The following RGMA variants were observed in gnomAD, a reference collection of about 807,000 sequenced individuals.
The protein encoded by RGMA is repulsive guidance molecule A.
In RGMA, 10 loss-of-function variants were observed where a neutral mutation model predicts 23.2. The observed-to-expected ratio is 0.43, with a 90% CI of 0.27 to 0.73. The LOEUF (loss-of-function observed/expected upper bound fraction) is 0.73. RGMA is among the 30% of genes least tolerant of loss of function. The pLI, the probability that RGMA is intolerant of heterozygous loss-of-function variation, is 0.20. For synonymous variants in RGMA, 308 were observed against 279.3 expected (o/e 1.10, Z -1.03); for missense variants, 547 against 630.5 (o/e 0.87, Z 1.42).
At chr15:93,072,800 C>A in intron 2 of RGMA, 116 bp downstream of exon 2, 1 of 1,119,142 alleles carries the variant, frequency 8.9e-7, no homozygotes, top group East Asian at 2.7e-5. Flanking sequence ...AAATAGGAGG[C>A]GGGGTCCGGA....
intron 3 of RGMA, among the ~76,000 whole-genome samples, chr15:93,050,954 G>A (rs1291119837): frequency 6.6e-6 from 1 of 152,206 alleles, no homozygotes; most frequent in Non-Finnish European, 1.5e-5. Flanking sequence ...AGGTGGCTGG[G>A]TCCTTGATGC....
chr15:93,082,261 G>A (rs1361744677), intron 1 of RGMA, among the ~76,000 whole-genome samples: 2 of 152,184 alleles, frequency 1.3e-5, no homozygotes, highest in East Asian at 3.8e-4. Context: ...GGAGAGCTCT[G>A]CAGAGTTCTG....
chr15:93,051,949 A>G (rs2054927430), intron 3 of RGMA, 44 bp downstream of exon 3: 5 of 1,534,190 alleles, frequency 3.3e-6, no homozygotes, highest in Non-Finnish European at 4.4e-6. Context: ...CAGGGCAGAG[A>G]CAAAGGGCAG....
chr15:93,063,072 T>C (rs1220189266), intron 2 of RGMA: 1 of 152,126 alleles, frequency 6.6e-6, no homozygotes, highest in Non-Finnish European at 1.5e-5. Context: ...AGAACACTAT[T>C]TTAGGAAGCA....
intron 1 of RGMA, chr15:93,088,433 GC>G (rs1363403289): frequency 4.1e-6 from 4 of 985,862 alleles, no homozygotes; most frequent in Non-Finnish European, 4.8e-6. Context: ...GCAAAGGGCC[GC>G]CGGGACGCGA....
Position 93,073,786 on chromosome 15 carries a change from C to T in RGMA, c.15-755G>A, listed in dbSNP as rs1390243042. On this transcript the variant is annotated intron_variant, in intron 1 of 3. Transcript: ENST00000329082. ...ACTGGGTTTGGCCTGCCTCCAGCAC[C>T]CCCTTCAAGCACCTCGCTGCTTCCT... 4 of 1,535,682 alleles carry T rather than the reference C, an allele frequency of 2.6e-6. No individual in the cohort carries two copies. The South Asian group carries it at 4.8e-5, about 18-fold the overall frequency.
At chr15:93,066,062 CA>C in intron 2 of RGMA, 1 of 1,515,620 alleles carries the variant, frequency 6.6e-7, no homozygotes, top group Non-Finnish European at 9.1e-7. Flanking sequence ...GGTGGTGGGG[CA>C]ACTGAGGGAG....
At chr15:93,058,219 G>C (rs2055045363) in intron 2 of RGMA, among the ~76,000 whole-genome samples, 1 of 152,208 alleles carries the variant, frequency 6.6e-6, no homozygotes, top group African/African-American at 2.4e-5. Flanking sequence ...ACAGGCAACA[G>C]GTGAGATGTT....
chr15:93,055,852 T>C (rs1184658018), intron 2 of RGMA, among the ~76,000 whole-genome samples: 5 of 152,320 alleles, frequency 3.3e-5, no homozygotes, highest in Admixed American at 2.0e-4. Flanking sequence ...GAATTTTAAG[T>C]GGACTGGCTT....
chr15:93,045,538 C>T lies in RGMA; in HGVS notation c.813G>A (p.Glu271=). The change falls in exon 4 of 4, where the codon GAG becomes GAA. Residue 271 remains glutamate, a synonymous_variant. Transcript: ENST00000329082. This position sits in a 1 kb window ranked among gnomAD's most constrained non-coding sequence, Gnocchi z 6.9. ...ITEKVSGQHV[E]IQAKYIGTTI... is the part of the protein sequence containing the mutation. The stretch of plus-strand genomic sequence containing the variant: ...TGGTGCCGATGTACTTGGCCTGGAT[C>T]TCCACGTGCTGGCCTGACACCTTCT... 5 of 1,613,332 alleles carry T rather than the reference C, an allele frequency of 3.1e-6. No individual in the cohort carries two copies. Among genetic ancestry groups the T allele is most frequent in the Non-Finnish European group, 4.2e-6 (5 of 1,179,874 alleles).
intron 1 of RGMA, chr15:93,073,637 C>T: frequency 2.0e-6 from 3 of 1,537,120 alleles, no homozygotes; most frequent in Non-Finnish European, 2.6e-6. Context: ...GACGCGACAC[C>T]GGTGCAGGAG....
chr15:93,063,153 A>G (rs536172860), intron 2 of RGMA: 63 of 152,330 alleles, frequency 4.1e-4, no homozygotes, highest in African/African-American at 1.3e-3. Flanking sequence ...GAGCAGCTTA[A>G]AAAAGAAATC....
intron 2 of RGMA, among the ~76,000 whole-genome samples, chr15:93,059,179 C>T (rs1292935370): frequency 1.3e-5 from 2 of 152,162 alleles, no homozygotes; most frequent in Non-Finnish European, 2.9e-5. Context: ...GCCACAAGTC[C>T]CTCCTCAGGA....
intron 1 of RGMA, among the ~76,000 whole-genome samples, chr15:93,085,693 ATTTAT>A: frequency 1.3e-5 from 2 of 152,208 alleles, no homozygotes; most frequent in East Asian, 3.8e-4. Context: ...AGACATTTGC[ATTTAT>A]TTTGTCAATT....
intron 2 of RGMA, 47 bp downstream of exon 2, chr15:93,072,869 G>T: frequency 1.3e-6 from 2 of 1,562,126 alleles, no homozygotes; most frequent in Admixed American, 1.9e-5. Flanking sequence ...AGCATTGAGG[G>T]GCGGCCCAGG....
chr15:93,038,587 A>ATTTTTTT lies in RGMA; in HGVS notation c.*6410_*6411insAAAAAAA, dbSNP rs2054687088. The ATTTTTTT allele has an allele frequency of 2.1e-5, 1 of 46,780 alleles. No homozygotes were observed. The highest frequency in any genetic ancestry group is 5.5e-5 in the Non-Finnish European group (1 of 18,084). 2.9% of individuals were successfully genotyped at this position (46,780 alleles called of 1,614,324 possible). On this transcript the variant is annotated 3_prime_UTR_variant, in exon 4 of 4. Coordinates refer to ENST00000329082, the MANE Select transcript of RGMA (RefSeq NM_020211.3). ...GTTAGTTGTTTTTTTTTTTTTTTTG[A>ATTTTTTT]GACGGTGTCTTGCTCTGTCGCCCAG...
rs73460353 is a variant in RGMA, at chr15:93,088,212, T to C, written c.14+707A>G. ...TACATTAATAAGACGCAATCCCGAA[T>C]TGCACCCGAGCGTCCCCCACACCCG... On this transcript the variant is annotated intron_variant, in intron 1 of 3. Coordinates refer to ENST00000329082, the MANE Select transcript of RGMA (RefSeq NM_020211.3). The C allele has an allele frequency of 6.1e-3, 5,295 of 873,148 alleles. 181 individuals carry two copies. In the African/African-American group the frequency reaches 0.078, roughly 13 times the overall value. 54.1% of individuals were successfully genotyped at this position (873,148 alleles called of 1,614,324 possible).
intron 2 of RGMA, among the ~76,000 whole-genome samples, chr15:93,065,291 A>C (rs1038729335): frequency 1.3e-5 from 2 of 151,980 alleles, no homozygotes; most frequent in Non-Finnish European, 1.5e-5. Flanking sequence ...AAAGAAAAAC[A>C]ACCAGGAGGA....
intron 1 of RGMA, 115 bp from the exon 2 acceptor site, chr15:93,073,146 G>GCGC: frequency 8.0e-7 from 1 of 1,245,758 alleles, no homozygotes; most frequent in Non-Finnish European, 1.0e-6. Context: ...TCGGCCGCGG[G>GCGC]CGCCCGGCGC....
Sources: allele counts gnomAD v4.1 joint callset (sites outside exome capture counted in the v4.1 genomes callset), GRCh38; gene constraint gnomAD v4.1.1; non-coding constraint Gnocchi (gnomAD v3.1); transcripts MANE v1.5; gene names NCBI Gene and HGNC (gene_info 2026-07-23, HGNC 2026-07-21).